The following KIAA1217 variants were observed in gnomAD, a reference collection of about 807,000 sequenced individuals.
KIAA1217 encodes the protein sickle tail protein homolog.
A neutral mutation model predicts 163.9 loss-of-function variants in KIAA1217; 88 were observed. The observed-to-expected ratio is 0.54, with a 90% CI of 0.45 to 0.64. The LOEUF (loss-of-function observed/expected upper bound fraction) is 0.64. Ranked by LOEUF, KIAA1217 falls within the 30% of genes least tolerant of loss-of-function variation. The pLI is 0.00. For missense variants in KIAA1217, 2,372 were observed against 2,475.0 expected (o/e 0.96, Z 0.88); for synonymous variants, 903 against 923.1 (o/e 0.98, Z 0.39).
intron 1 of KIAA1217, among the ~76,000 whole-genome samples, chr10:23,899,917 T>A (rs1009385845): frequency 1.3e-5 from 2 of 152,054 alleles, no homozygotes; most frequent in African/African-American, 4.8e-5. Context: ...TTTCCCTCTT[T>A]CTTTTCTTTC....
chr10:24,321,623 A>G (rs2044171337), intron 2 of KIAA1217, among the ~76,000 whole-genome samples: 1 of 152,178 alleles, frequency 6.6e-6, no homozygotes, highest in African/African-American at 2.4e-5. Flanking sequence ...TACAAAATGG[A>G]TGAACCTTGA....
At chr10:24,053,751 G>C (rs1051558686) in intron 2 of KIAA1217, among the ~76,000 whole-genome samples, 2 of 152,096 alleles carry the variant, frequency 1.3e-5, no homozygotes, top group Admixed American at 1.3e-4. Flanking sequence ...ATTATACAGT[G>C]ATAGAAATAA....
intron 2 of KIAA1217, among the ~76,000 whole-genome samples, chr10:24,225,930 G>T (rs1194582431): frequency 6.6e-6 from 1 of 152,130 alleles, no homozygotes. Context: ...TTTCTGTTGC[G>T]TGAAGGAATG....
At chr10:24,532,570 C>G (rs545092489) in intron 15 of KIAA1217, among the ~76,000 whole-genome samples, 1 of 152,128 alleles carries the variant, frequency 6.6e-6, no homozygotes, top group African/African-American at 2.4e-5. Context: ...GGAGGTCTCA[C>G]AATTATGGCA....
chr10:23,917,500 A>G (rs1434560115), intron 1 of KIAA1217, among the ~76,000 whole-genome samples: 1 of 152,198 alleles, frequency 6.6e-6, no homozygotes, highest in Admixed American at 6.5e-5. Context: ...CTGATGTGGG[A>G]GCAGCGGCCA....
rs2055234589 is a variant in KIAA1217 at position 24,393,301 on chromosome 10, G to A, written c.553+12234G>A. Among the ~76,000 whole-genome samples the A allele has an allele frequency of 3.3e-5, 5 of 152,306 alleles. No individual in the cohort carries two copies. The South Asian group carries it at 1.0e-3, about 32-fold the overall frequency. On this transcript the variant is annotated intron_variant, in intron 3 of 20. Coordinates refer to ENST00000376454, the MANE Select transcript of KIAA1217 (RefSeq NM_019590.5). Reference sequence around the variant, plus strand: ...AGATTATGTCTTCTTAGGCAGAGGAGTTAGTGAAAGGTCCTGGTCTACTGG... The same window carrying A: ...AGATTATGTCTTCTTAGGCAGAGGAATTAGTGAAAGGTCCTGGTCTACTGG...
chr10:23,959,763 G>A (rs922832978), intron 1 of KIAA1217, among the ~76,000 whole-genome samples: 5 of 151,972 alleles, frequency 3.3e-5, no homozygotes, highest in Non-Finnish European at 7.4e-5. Flanking sequence ...GATTAACTCG[G>A]GGGAGCTTAG....
intron 2 of KIAA1217, among the ~76,000 whole-genome samples, chr10:24,058,818 A>C (rs28831093): frequency 0.3 from 44,900 of 151,998 alleles, 12,920 homozygotes; most frequent in African/African-American, 0.76. Context: ...TGTGTTAGGT[A>C]ACGTCATCTG....
intron 1 of KIAA1217, among the ~76,000 whole-genome samples, chr10:23,972,991 A>G (rs1284883462): frequency 1.3e-5 from 2 of 152,142 alleles, no homozygotes; most frequent in Non-Finnish European, 2.9e-5. Context: ...TTTAGATGGC[A>G]GGTCAATAGA....
At chr10:24,251,566 G>T (rs1028645349) in intron 2 of KIAA1217, among the ~76,000 whole-genome samples, 4 of 152,114 alleles carry the variant, frequency 2.6e-5, no homozygotes, top group Non-Finnish European at 5.9e-5. Flanking sequence ...GAAACATTGA[G>T]TTCCGATTCC....
intron 2 of KIAA1217, among the ~76,000 whole-genome samples, chr10:24,291,431 G>A (rs1287978957): frequency 6.6e-6 from 1 of 152,206 alleles, no homozygotes; most frequent in Non-Finnish European, 1.5e-5. Context: ...TAGGGTGGCT[G>A]AAGCAAGAGA....
At chr10:23,790,560 C>CATAT (rs1491047506) in intron 1 of KIAA1217, among the ~76,000 whole-genome samples, 2 of 88,788 alleles carry the variant, frequency 2.3e-5, no homozygotes, top group African/African-American at 1.6e-4. Flanking sequence ...TACATATGTA[C>CATAT]ATATGTATAT....
intron 3 of KIAA1217, among the ~76,000 whole-genome samples, chr10:24,411,569 ACTCTCTGGTTTAT>A (rs1233702223): frequency 1.6e-4 from 24 of 151,860 alleles, no homozygotes; most frequent in Admixed American, 1.6e-3. Context: ...TATTAACATT[ACTCTCTGGTTTAT>A]CTATTATGAG....
intron 14 of KIAA1217, 32 bp downstream of exon 14, chr10:24,528,151 G>A (rs1302567923): frequency 3.1e-6 from 5 of 1,604,244 alleles, no homozygotes; most frequent in Non-Finnish European, 4.3e-6. Context: ...GGAATATATG[G>A]AGGTACATGG....
chr10:24,214,622 C>T (rs1053464980), intron 1 of KIAA1217, among the ~76,000 whole-genome samples: 3 of 152,122 alleles, frequency 2.0e-5, no homozygotes, highest in African/African-American at 7.2e-5. Flanking sequence ...AGCAGAAGAG[C>T]GTTCTGGTCG....
intron 6 of KIAA1217, among the ~76,000 whole-genome samples, chr10:24,493,244 C>G (rs2066373418): frequency 6.6e-6 from 1 of 152,242 alleles, no homozygotes; most frequent in Non-Finnish European, 1.5e-5. Flanking sequence ...ATCCCCACCA[C>G]TCACAAACCC....
intron 2 of KIAA1217, among the ~76,000 whole-genome samples, chr10:24,288,936 G>C (rs894620166): frequency 2.0e-5 from 3 of 152,132 alleles, no homozygotes; most frequent in African/African-American, 7.2e-5. Context: ...AGAAGGGTTT[G>C]AGTTCCATCT....
intron 1 of KIAA1217, among the ~76,000 whole-genome samples, chr10:23,810,035 A>AT (rs1243826198): frequency 6.6e-6 from 1 of 151,948 alleles, no homozygotes; most frequent in Non-Finnish European, 1.5e-5. Flanking sequence ...ATGTTAGATG[A>AT]TTTTCCCAAC....
At chr10:24,200,527 T>A (rs1439559649) in intron 2 of KIAA1217, among the ~76,000 whole-genome samples, 1 of 152,182 alleles carries the variant, frequency 6.6e-6, no homozygotes, top group Non-Finnish European at 1.5e-5. Flanking sequence ...TCGCCTGCCA[T>A]ACTGCCTGCA....
Sources: gnomAD v4.1 joint callset for allele counts (sites outside exome capture counted in the v4.1 genomes callset) on GRCh38, gnomAD v4.1.1 for gene constraint, MANE v1.5 for transcripts, NCBI Gene and HGNC (gene_info 2026-07-23, HGNC 2026-07-21) for gene names.